The following STX16 variants were observed in gnomAD, a reference collection of about 807,000 sequenced individuals.
STX16 encodes syntaxin-16.
In STX16, 28 loss-of-function variants were observed where a neutral mutation model predicts 42.7. That is an observed-to-expected ratio of 0.66 (90% CI 0.49 to 0.90). The LOEUF (loss-of-function observed/expected upper bound fraction) is 0.90. Among genes scored for constraint, STX16 ranks in the 40% least tolerant of loss-of-function variants. STX16 has a pLI of 0.00. For synonymous variants in STX16, 156 were observed against 155.2 expected (o/e 1.00, Z -0.04); for missense variants, 361 against 420.9 (o/e 0.86, Z 1.24).
Position 58,676,472 on chromosome 20 carries a change from G to A in STX16, c.*181G>A. On this transcript the variant is annotated 3_prime_UTR_variant, in exon 9 of 9. Transcript: ENST00000371141. ...GTCCTGCTCAAGCGGTCCGGGGAAT[G>A]GGTTTTTGTTTTTCCTTCATTGTTG... 1.7e-6 allele frequency: 1 copy of A among 581,242 alleles called. No individual in the cohort carries two copies. The highest frequency in any genetic ancestry group is 3.1e-6 in the Non-Finnish European group (1 of 325,838). The allele number at this position is 581,242 out of a possible 1,614,324, so 36.0% of individuals were successfully genotyped here. A position where few individuals can be genotyped will look rare whatever the true frequency, so the allele number is the denominator to read the frequency against.
At chr20:58,652,371 A>AG in intron 1 of STX16, 2 of 462,058 alleles carry the variant, frequency 4.3e-6, no homozygotes, top group South Asian at 1.9e-5. Context: ...CTTCCGCAGC[A>AG]CCCCCCCCCC....
Position 58,673,073 on chromosome 20 carries a change from T to C in STX16, c.793-558T>C, listed in dbSNP as rs116483001. Among the ~76,000 whole-genome samples the C allele has an allele frequency of 3.8e-3, 572 of 152,330 alleles. 4 individuals are homozygous for C. Among genetic ancestry groups the C allele is most frequent in the African/African-American group, 0.013 (555 of 41,572 alleles). The stretch of plus-strand genomic sequence containing the variant: ...CTTCCAATTTAATTGTTTAAGAGAT[T>C]AAACAATTAAACATCTTCCCCTTGA... On this transcript the variant is annotated intron_variant, in intron 7 of 8. Transcript: ENST00000371141.
Position 58,677,214 on chromosome 20 carries a change from G to C in STX16, c.*923G>C, listed in dbSNP as rs73611749. The C allele has an allele frequency of 6.6e-6, 1 of 152,586 alleles. No individual in the cohort carries two copies. Among genetic ancestry groups the C allele is most frequent in the Non-Finnish European group, 1.5e-5 (1 of 68,030 alleles). 9.5% of individuals were successfully genotyped at this position (152,586 alleles called of 1,614,324 possible). A position where few individuals can be genotyped will look rare whatever the true frequency, so the allele number is the denominator to read the frequency against. ...ACTACATAATGACCTGTTCAAACCA[G>C]ACTCTATTTAATGAACTGTGAATTT... On this transcript the variant is annotated 3_prime_UTR_variant, in exon 9 of 9. Coordinates refer to ENST00000371141, the MANE Select transcript of STX16 (RefSeq NM_001001433.3).
At chr20:58,662,050 C>T (rs986161347) in intron 2 of STX16, among the ~76,000 whole-genome samples, 1 of 152,218 alleles carries the variant, frequency 6.6e-6, no homozygotes, top group African/African-American at 2.4e-5. Context: ...TGAGGAGGAC[C>T]CGAGCCCACC....
In STX16 at chr20:58,659,225, CTT is replaced by C. The variant is rs529098882; in HGVS notation, c.133-397_133-396del. 4.8e-3 allele frequency among the ~76,000 whole-genome samples: 728 copies of C among 152,270 alleles called. 4 individuals are homozygous for C. The highest frequency in any genetic ancestry group is 6.3e-3 in the Non-Finnish European group (428 of 68,012). ...TAAAATTACATTTTAGCTCTGCTCTCTTATTTTATTTTCCTGAGGGAAAATAG... is the reference window on the plus strand; with the variant it reads ...TAAAATTACATTTTAGCTCTGCTCTCATTTTATTTTCCTGAGGGAAAATAG... On this transcript the variant is annotated intron_variant, in intron 1 of 8. Coordinates refer to ENST00000371141, the MANE Select transcript of STX16 (RefSeq NM_001001433.3).
intron 2 of STX16, chr20:58,667,094 A>G (rs1463669136): frequency 1.1e-5 from 3 of 280,436 alleles, no homozygotes; most frequent in East Asian, 9.7e-5. Context: ...TTCACTTGCA[A>G]CTGATCACAA....
At chr20:58,661,150 T>C (rs1393250873) in intron 2 of STX16, among the ~76,000 whole-genome samples, 1 of 152,180 alleles carries the variant, frequency 6.6e-6, no homozygotes. Flanking sequence ...ATGGAGCTTA[T>C]GACCTCAAAA....
chr20:58,673,211 T>C (rs370992187), intron 7 of STX16, among the ~76,000 whole-genome samples: 12 of 152,342 alleles, frequency 7.9e-5, no homozygotes, highest in African/African-American at 2.4e-4. Context: ...GGTCTACTTA[T>C]GACAGGGGCG....
At position 58,663,160 on chromosome 20, in the gene STX16, C is replaced by T. The variant is rs189416241; in HGVS notation, c.144+3526C>T. ...ATCGGTATTGTTCTCATTACCAATG[C>T]GTTACGGCTAAACTTAGTTGATTTT... On this transcript the variant is annotated intron_variant, in intron 2 of 8. Transcript: ENST00000371141. Among the ~76,000 whole-genome samples the T allele has an allele frequency of 1.6e-4, 25 of 152,304 alleles. No homozygotes were observed. The East Asian group carries it at 4.4e-3, about 27-fold the overall frequency.
intron 1 of STX16, among the ~76,000 whole-genome samples, chr20:58,658,966 T>G (rs2083638325): frequency 6.6e-6 from 1 of 152,234 alleles, no homozygotes; most frequent in Non-Finnish European, 1.5e-5. Context: ...GTAAGAGTTT[T>G]TCTTTTATTT....
At position 58,653,728 on chromosome 20, in the gene STX16, C is replaced by T. The variant is rs367845674; in HGVS notation, c.132+1590C>T. The stretch of plus-strand genomic sequence containing the variant: ...CTTAAATGACTTGATTTTGTGCTGC[C>T]TCAAAAACTACTGAAACTCATATTA... On this transcript the variant is annotated intron_variant, in intron 1 of 8. Transcript: ENST00000371141. 1.3e-4 allele frequency among the ~76,000 whole-genome samples: 20 copies of T among 152,122 alleles called. 1 individual carries two copies. The East Asian group carries it at 1.5e-3, about 12-fold the overall frequency.
chr20:58,676,846 A>C lies in STX16; in HGVS notation c.*555A>C, dbSNP rs2084140854. The C allele has an allele frequency of 6.5e-6, 1 of 152,690 alleles. No individual in the cohort carries two copies. The highest frequency in any genetic ancestry group is 6.5e-5 in the Admixed American group (1 of 15,284). 9.5% of individuals were successfully genotyped at this position (152,690 alleles called of 1,614,324 possible). A position where few individuals can be genotyped will look rare whatever the true frequency, so the allele number is the denominator to read the frequency against. The stretch of plus-strand genomic sequence containing the variant: ...TTATAATCCGTTCCCCATTAACTTA[A>C]TTTAGCTTTTCCATCACTGTTAATG... On this transcript the variant is annotated 3_prime_UTR_variant, in exon 9 of 9. Coordinates refer to ENST00000371141, the MANE Select transcript of STX16 (RefSeq NM_001001433.3).
intron 7 of STX16, among the ~76,000 whole-genome samples, chr20:58,672,737 T>C (rs2084009887): frequency 6.6e-6 from 1 of 152,210 alleles, no homozygotes. Context: ...AGCTCAGCAA[T>C]GATTCTGACG....
chr20:58,674,217 G>T (rs932853004), intron 8 of STX16, among the ~76,000 whole-genome samples: 13 of 152,272 alleles, frequency 8.5e-5, no homozygotes, highest in African/African-American at 3.1e-4. Flanking sequence ...TGAGAAAAGA[G>T]AAGTTTGTTG....
At chr20:58,674,685 T>G (rs1208279710) in intron 8 of STX16, among the ~76,000 whole-genome samples, 1 of 152,204 alleles carries the variant, frequency 6.6e-6, no homozygotes, top group East Asian at 1.9e-4. Flanking sequence ...GACTCCAGCC[T>G]GTGGTGGGAA....
At position 58,676,383 on chromosome 20, in the gene STX16, GC is replaced by G. The variant is rs2084127061; in HGVS notation, c.*94del. The G allele has an allele frequency of 2.6e-6, 3 of 1,168,756 alleles. No homozygotes were observed. Among genetic ancestry groups the G allele is most frequent in the Admixed American group, 3.5e-5 (2 of 56,938 alleles). The allele number at this position is 1,168,756 out of a possible 1,614,324, so 72.4% of individuals were successfully genotyped here. On this transcript the variant is annotated 3_prime_UTR_variant, in exon 9 of 9. Transcript: ENST00000371141. ...CCCGCCAGCTGCCCGCAGAGGTGCAGCCTCGAGGAATCTGAGGGCGTCGGGG... is the reference window on the plus strand; with the variant it reads ...CCCGCCAGCTGCCCGCAGAGGTGCAGCTCGAGGAATCTGAGGGCGTCGGGG...
intron 2 of STX16, among the ~76,000 whole-genome samples, chr20:58,664,645 C>G (rs2083774343): frequency 6.6e-6 from 1 of 152,228 alleles, no homozygotes; most frequent in Non-Finnish European, 1.5e-5. Flanking sequence ...TGCATAAAAT[C>G]AAGTACTGCT....
chr20:58,653,893 A>C (rs571429284), intron 1 of STX16, among the ~76,000 whole-genome samples: 1 of 152,152 alleles, frequency 6.6e-6, no homozygotes, highest in African/African-American at 2.4e-5. Context: ...ACAGTTTAAA[A>C]ACCTAGTATC....
chr20:58,669,239 C>A, intron 4 of STX16, 52 bp from the exon 5 acceptor site: 1 of 1,590,030 alleles, frequency 6.3e-7, no homozygotes, highest in Non-Finnish European at 8.5e-7. Context: ...GCAGTGTTAG[C>A]AGAGGGGCTT....
Sources: gnomAD v4.1 joint callset for allele counts (sites outside exome capture counted in the v4.1 genomes callset) on GRCh38, gnomAD v4.1.1 for gene constraint, MANE v1.5 for transcripts, NCBI Gene and HGNC (gene_info 2026-07-23, HGNC 2026-07-21) for gene names.